Variants in PCDH15 observed in about 807,000 individuals in gnomAD.
PCDH15 encodes protocadherin related 15.
Under a neutral mutation model 178.5 loss-of-function variants are expected in PCDH15, and 129 were observed. The observed-to-expected ratio is 0.72, with a 90% CI of 0.63 to 0.84. The LOEUF (loss-of-function observed/expected upper bound fraction) is 0.84, where lower values mean the gene tolerates loss of function less well. PCDH15 is among the 40% of genes least tolerant of loss of function. The probability of loss-of-function intolerance (pLI) is 0.00; values close to 1 mark genes in which losing one functional copy is unlikely to be tolerated. For synonymous variants in PCDH15, 800 were observed against 732.0 expected (o/e 1.09, Z -1.50); for missense variants, 2,230 against 2,099.9 (o/e 1.06, Z -1.21).
intron 2 of PCDH15, among the ~76,000 whole-genome samples, chr10:55,083,910 C>A (rs1158054479): frequency 1.3e-5 from 2 of 151,538 alleles, no homozygotes; most frequent in African/African-American, 4.8e-5. Flanking sequence ...AACATTGACA[C>A]AAGAAATCAA....
chr10:55,220,596 G>A (rs530372310), intron 1 of PCDH15, among the ~76,000 whole-genome samples: 35 of 152,102 alleles, frequency 2.3e-4, no homozygotes, highest in African/African-American at 7.7e-4. Flanking sequence ...AATCTGTACA[G>A]CATGTTACTA....
At chr10:55,540,940 T>C (rs1356934146) in intron 2 of PCDH15, among the ~76,000 whole-genome samples, 3 of 152,052 alleles carry the variant, frequency 2.0e-5, no homozygotes, top group Non-Finnish European at 4.4e-5. Flanking sequence ...ATTAAATTTG[T>C]CTTGTGACAA....
At chr10:54,485,627 A>T (rs1017343736) in intron 3 of PCDH15, among the ~76,000 whole-genome samples, 4 of 152,004 alleles carry the variant, frequency 2.6e-5, no homozygotes, top group African/African-American at 9.7e-5. Context: ...TGATATATTC[A>T]TGAGAAGACA....
At chr10:54,092,982 C>T (rs1190058707) in intron 15 of PCDH15, among the ~76,000 whole-genome samples, 1 of 152,060 alleles carries the variant, frequency 6.6e-6, no homozygotes, top group African/African-American at 2.4e-5. Flanking sequence ...AACAAGATAG[C>T]TTCATGTAAA....
chr10:54,899,949 T>A (rs1336400895), intron 2 of PCDH15, among the ~76,000 whole-genome samples: 1 of 152,084 alleles, frequency 6.6e-6, no homozygotes, highest in Non-Finnish European at 1.5e-5. Context: ...AAAAAGACAT[T>A]TAATCAAAGC....
chr10:54,736,297 T>C (rs1185121761), intron 1 of PCDH15, among the ~76,000 whole-genome samples: 1 of 152,124 alleles, frequency 6.6e-6, no homozygotes, highest in Admixed American at 6.6e-5. Flanking sequence ...CCATTTGATT[T>C]TATCAATCAC....
intron 6 of PCDH15, among the ~76,000 whole-genome samples, chr10:54,339,183 T>C (rs4448602): frequency 0.071 from 10,815 of 152,226 alleles, 495 homozygotes; most frequent in African/African-American, 0.12. Context: ...AAGATTTATT[T>C]GTGATTTTTT....
chr10:53,833,493 A>T (rs2077131329), intron 29 of PCDH15, among the ~76,000 whole-genome samples: 1 of 152,060 alleles, frequency 6.6e-6, no homozygotes, highest in African/African-American at 2.4e-5. Context: ...ATCCCTTACA[A>T]AACAGCAAAA....
intron 4 of PCDH15, among the ~76,000 whole-genome samples, chr10:54,371,071 G>A (rs893197589): frequency 6.6e-6 from 1 of 151,708 alleles, no homozygotes; most frequent in African/African-American, 2.4e-5. Context: ...TAAAATCTGT[G>A]AATGTTACAA....
chr10:54,490,908 A>C (rs186466492), intron 3 of PCDH15, among the ~76,000 whole-genome samples: 269 of 152,286 alleles, frequency 1.8e-3, no homozygotes, highest in African/African-American at 5.0e-3. Context: ...GTAATGCTCC[A>C]AAACCCAACA....
intron 1 of PCDH15, among the ~76,000 whole-genome samples, chr10:55,254,480 G>T (rs1841934588): frequency 6.6e-6 from 1 of 152,138 alleles, no homozygotes; most frequent in African/African-American, 2.4e-5. Context: ...TTTTCCAGTT[G>T]CAAGCTGTCA....
In PCDH15 at chr10:54,198,613, T is replaced by C. The variant is rs2049921700; in HGVS notation, c.1099-2724A>G. On this transcript the variant is annotated intron_variant, in intron 10 of 37. Coordinates refer to ENST00000644397, the MANE Select transcript of PCDH15 (RefSeq NM_001384140.1). ...GCCTCCCGGGTTCACGCCATTCTCC[T>C]GCCTCAGCCTCCCAAGTAGTTGGGA... Among the ~76,000 whole-genome samples, 2 of 98,112 alleles carry C rather than the reference T, an allele frequency of 2.0e-5. 1 individual carries two copies. Among genetic ancestry groups the C allele is most frequent in the Non-Finnish European group, 3.6e-5 (2 of 55,538 alleles). The allele number at this position is 98,112 out of a possible 152,430, so 64.4% of individuals were successfully genotyped here.
At chr10:54,269,994 A>G (rs2057944312) in intron 8 of PCDH15, among the ~76,000 whole-genome samples, 1 of 152,074 alleles carries the variant, frequency 6.6e-6, no homozygotes, top group Non-Finnish European at 1.5e-5. Flanking sequence ...GAAGTAAATT[A>G]TTACATATTT....
chr10:55,537,905 A>G (rs1841618034), intron 2 of PCDH15, among the ~76,000 whole-genome samples: 1 of 152,208 alleles, frequency 6.6e-6, no homozygotes, highest in South Asian at 2.1e-4. Context: ...GATTTGTTCT[A>G]TCTATAAAAT....
intron 3 of PCDH15, among the ~76,000 whole-genome samples, chr10:54,424,696 C>A (rs1280170992): frequency 6.6e-6 from 1 of 151,926 alleles, no homozygotes; most frequent in Non-Finnish European, 1.5e-5. Flanking sequence ...ATGATGAGTT[C>A]ATGTCCTTTG....
intron 3 of PCDH15, among the ~76,000 whole-genome samples, chr10:54,475,621 A>G (rs1334164109): frequency 6.6e-6 from 1 of 151,964 alleles, no homozygotes; most frequent in Admixed American, 6.6e-5. Context: ...TTATTTATAC[A>G]TATTTATTCA....
intron 8 of PCDH15, among the ~76,000 whole-genome samples, chr10:54,315,071 T>A (rs138202974): frequency 6.6e-6 from 1 of 152,178 alleles, no homozygotes; most frequent in Non-Finnish European, 1.5e-5. Context: ...GACTGCTGGA[T>A]CAAATGGGAG....
intron 2 of PCDH15, among the ~76,000 whole-genome samples, chr10:55,141,373 GC>G (rs1335278212): frequency 1.3e-5 from 2 of 151,928 alleles, no homozygotes; most frequent in Non-Finnish European, 2.9e-5. Context: ...GCTGCAAAAA[GC>G]AAAAAGCTGC....
At chr10:54,819,914 G>A (rs1362366091) in intron 3 of PCDH15, among the ~76,000 whole-genome samples, 2 of 151,798 alleles carry the variant, frequency 1.3e-5, no homozygotes, top group African/African-American at 2.4e-5. Context: ...TCTCTTTCTT[G>A]TAGTTTATTC....
Sources: allele counts gnomAD v4.1 joint callset (sites outside exome capture counted in the v4.1 genomes callset), GRCh38; gene constraint gnomAD v4.1.1; transcripts MANE v1.5; gene names NCBI Gene and HGNC (gene_info 2026-07-23, HGNC 2026-07-21).